CC2D2B: variants seen among roughly 807,000 people sequenced by gnomAD.
CC2D2B encodes coiled-coil and C2 domain containing 2B.
A neutral mutation model predicts 161.2 loss-of-function variants in CC2D2B; 128 were observed. The observed-to-expected ratio is 0.79, with a 90% CI of 0.69 to 0.92. The LOEUF (loss-of-function observed/expected upper bound fraction) is 0.92. Ranked by LOEUF, CC2D2B falls within the 40% of genes least tolerant of loss-of-function variation. The pLI is 0.00. For synonymous variants in CC2D2B, 391 were observed against 449.8 expected (o/e 0.87, Z 1.65); for missense variants, 1,173 against 1,375.1 (o/e 0.85, Z 2.32).
At chr10:95,973,016 G>A (rs192753618) in intron 16 of CC2D2B, among the ~76,000 whole-genome samples, 7 of 152,160 alleles carry the variant, frequency 4.6e-5, no homozygotes, top group South Asian at 2.1e-4. Context: ...AAGTTAGTGC[G>A]TCTCTGAGAT....
At chr10:95,969,009 A>G in intron 15 of CC2D2B, 108 bp downstream of exon 15, 2 of 434,856 alleles carry the variant, frequency 4.6e-6, no homozygotes, top group East Asian at 7.2e-5. Flanking sequence ...ATGTTAAGAG[A>G]TGGACTGATC....
intron 18 of CC2D2B, among the ~76,000 whole-genome samples, chr10:95,982,424 A>G (rs1379244537): frequency 6.6e-6 from 1 of 152,192 alleles, no homozygotes; most frequent in Non-Finnish European, 1.5e-5. Flanking sequence ...CAGCCATGGT[A>G]TTAGATACTG....
intron 22 of CC2D2B, among the ~76,000 whole-genome samples, chr10:95,993,932 GTGTGTGTGTGTA>G (rs1564649439): frequency 1.4e-4 from 1 of 7,308 alleles, no homozygotes; most frequent in Non-Finnish European, 2.4e-4. Context: ...GTGTGTGTGT[GTGTGTGTGTGTA>G]TGTATGTGTA....
At position 96,003,323 on chromosome 10, in the gene CC2D2B, C is replaced by T. The variant is rs569202890; in HGVS notation, c.2850-829C>T. Among the ~76,000 whole-genome samples, 39 of 152,060 alleles carry T rather than the reference C, an allele frequency of 2.6e-4. 1 individual carries two copies. In the South Asian group the frequency reaches 3.9e-3, roughly 15 times the overall value. ...TCCAAAATGTACCTAATCAAGAATG[C>T]CATCAGCAGACAGCTTGCAAAATTA... On this transcript the variant is annotated intron_variant, in intron 24 of 34. Transcript: ENST00000646931.
intron 34 of CC2D2B, among the ~76,000 whole-genome samples, chr10:96,031,520 AG>A: frequency 6.6e-6 from 1 of 152,316 alleles, no homozygotes; most frequent in Non-Finnish European, 1.5e-5. Context: ...TCTCACCAGC[AG>A]TTTGCTCTCT....
chr10:96,025,164 T>TATATATATAAAAAAAAA (rs1564683680), intron 33 of CC2D2B, among the ~76,000 whole-genome samples: 30 of 7,562 alleles, frequency 4.0e-3, no homozygotes, highest in Non-Finnish European at 6.0e-3. Flanking sequence ...AATATATATA[T>TATATATATAAAAAAAAA]ATATATATAT....
Position 96,019,692 on chromosome 10 carries a change from G to A in CC2D2B, c.3766-10G>A, listed in dbSNP as rs2079370141. On this transcript the variant is annotated splice_polypyrimidine_tract_variant and intron_variant, in intron 31 of 34. Transcript: ENST00000646931. ...GGACCTACACTAATGTTATATTAAT[G>A]TTTTCATAGGTCTGGTTTAATATTC... is the stretch of plus-strand genomic sequence containing the variant. The A allele has an allele frequency of 6.4e-7, 1 of 1,563,402 alleles. No homozygotes were observed.
chr10:95,916,685 G>A, intron 2 of CC2D2B, among the ~76,000 whole-genome samples: 1 of 151,976 alleles, frequency 6.6e-6, no homozygotes. Context: ...ATTTCCATGT[G>A]TTTGTATAGT....
intron 6 of CC2D2B, among the ~76,000 whole-genome samples, chr10:95,930,058 T>A (rs1234261763): frequency 6.6e-6 from 1 of 152,246 alleles, no homozygotes; most frequent in Non-Finnish European, 1.5e-5. Context: ...GTTTGTGTCC[T>A]CTTTTATTTA....
At chr10:95,909,143 T>C (rs2098501615) in intron 1 of CC2D2B, among the ~76,000 whole-genome samples, 1 of 152,238 alleles carries the variant, frequency 6.6e-6, no homozygotes, top group African/African-American at 2.4e-5. Flanking sequence ...TAAGTTTTGA[T>C]TTTGGAAAAC....
chr10:95,982,069 G>T lies in CC2D2B; in HGVS notation c.2038G>T (p.Asp680Tyr). ...TGAATGGGCAAATGAAGTCAGAATT[G>T]ATCCAAATAATCCAGAATATTCTGA... is the stretch of plus-strand genomic sequence containing the variant. Reference protein sequence around the residue: ...LFEWANEVRIDPNNPEYSDLM... With the variant: ...LFEWANEVRIYPNNPEYSDLM... The change falls in exon 18 of 35, where the codon GAT (aspartate) becomes TAT (tyrosine). Residue 680 changes from aspartate (D) to tyrosine (Y), a missense_variant. Physicochemically the swap from Asp to Tyr is radical, Grantham distance 160 (BLOSUM62 -3). Around this residue, in one of 3 missense-constraint regions of CC2D2B, gnomAD observed 277 missense variants for 420.6 expected, o/e 0.66. Transcript: ENST00000646931. 1 of 1,231,144 alleles carries T rather than the reference G, an allele frequency of 8.1e-7. No individual in the cohort carries two copies. The allele number at this position is 1,231,144 out of a possible 1,614,324, so 76.3% of individuals were successfully genotyped here.
chr10:95,955,360 A>C (rs1293062072), intron 10 of CC2D2B, 34 bp from the exon 11 acceptor site: 5 of 394,428 alleles, frequency 1.3e-5, no homozygotes, highest in Non-Finnish European at 2.2e-5. Context: ...AGGCAGATAA[A>C]ATATACCGAA....
intron 2 of CC2D2B, chr10:95,919,832 G>T (rs1255635104): frequency 6.6e-6 from 1 of 151,692 alleles, no homozygotes; most frequent in African/African-American, 2.4e-5. Context: ...GAATTTGTTT[G>T]GTGCTTCATT....
chr10:95,966,568 G>A (rs140509009), intron 14 of CC2D2B, among the ~76,000 whole-genome samples: 4 of 152,066 alleles, frequency 2.6e-5, no homozygotes, highest in Non-Finnish European at 4.4e-5. Context: ...AACCAGTTTG[G>A]TGTTCTATAG....
chr10:95,975,923 A>G (rs1293379658), intron 17 of CC2D2B, among the ~76,000 whole-genome samples: 1 of 152,214 alleles, frequency 6.6e-6, no homozygotes, highest in Non-Finnish European at 1.5e-5. Flanking sequence ...CATAGTCTCC[A>G]CAGCAGCTAT....
intron 9 of CC2D2B, among the ~76,000 whole-genome samples, chr10:95,939,249 C>T (rs1276300129): frequency 6.6e-6 from 1 of 152,120 alleles, no homozygotes; most frequent in African/African-American, 2.4e-5. Flanking sequence ...TTACTCTTGT[C>T]TGTTAGTTTT....
intron 12 of CC2D2B, among the ~76,000 whole-genome samples, chr10:95,964,030 T>C (rs1008762131): frequency 1.3e-5 from 2 of 152,180 alleles, no homozygotes; most frequent in African/African-American, 4.8e-5. Context: ...ACACAGAGAA[T>C]CCAGATTTCT....
chr10:96,015,763 A>G (rs1273334448), intron 29 of CC2D2B, among the ~76,000 whole-genome samples: 2 of 152,168 alleles, frequency 1.3e-5, no homozygotes, highest in African/African-American at 4.8e-5. Flanking sequence ...CTTTGAGTTG[A>G]CAGTACTATA....
chr10:96,014,836 T>C (rs554049826), intron 29 of CC2D2B, among the ~76,000 whole-genome samples: 1 of 152,326 alleles, frequency 6.6e-6, no homozygotes, highest in East Asian at 1.9e-4. Flanking sequence ...CTGTTCACAC[T>C]GTTCTTTCAG....
Sources: gnomAD v4.1 joint callset for allele counts (sites outside exome capture counted in the v4.1 genomes callset) on GRCh38, gnomAD v4.1.1 for gene constraint, gnomAD v4.1.1 regional missense constraint, MANE v1.5 for transcripts, NCBI Gene and HGNC (gene_info 2026-07-23, HGNC 2026-07-21) for gene names.